Variants in SMURF2 observed in about 807,000 individuals in gnomAD.
The protein encoded by SMURF2 is E3 ubiquitin-protein ligase SMURF2.
In SMURF2, 48 loss-of-function variants were observed where a neutral mutation model predicts 109.6. The observed-to-expected ratio is 0.44, with a 90% CI of 0.35 to 0.56. The LOEUF is 0.56. Among genes scored for constraint, SMURF2 ranks in the 20% least tolerant of loss-of-function variants. SMURF2 has a pLI of 0.01. For missense variants in SMURF2, 575 were observed against 909.0 expected (o/e 0.63, Z 4.72); for synonymous variants, 288 against 317.1 (o/e 0.91, Z 0.97).
chr17:64,621,842 A>G (rs1489971301), intron 1 of SMURF2, among the ~76,000 whole-genome samples: 1 of 150,618 alleles, frequency 6.6e-6, no homozygotes, highest in Non-Finnish European at 1.5e-5. Context: ...CCACGCCACT[A>G]CACTCAGCCT....
rs1477749782 is a variant in SMURF2, at chr17:64,544,935, T to C, written c.*913A>G. On this transcript the variant is annotated 3_prime_UTR_variant, in exon 19 of 19. Coordinates refer to ENST00000262435, the MANE Select transcript of SMURF2 (RefSeq NM_022739.4). ...ATAGGAATAGTCCATATATTAAAGATAAGCTGACCCAGCAAAATAACGAAA... is the reference window on the plus strand; with the variant it reads ...ATAGGAATAGTCCATATATTAAAGACAAGCTGACCCAGCAAAATAACGAAA... The C allele has an allele frequency of 6.6e-6, 1 of 152,608 alleles. No homozygotes were observed. The highest frequency in any genetic ancestry group is 1.5e-5 in the Non-Finnish European group (1 of 68,024). 9.5% of individuals were successfully genotyped at this position (152,608 alleles called of 1,614,324 possible). A position where few individuals can be genotyped will look rare whatever the true frequency, so the allele number is the denominator to read the frequency against.
In SMURF2 at chr17:64,637,923, C is replaced by CAAAAAAAAAAAAAAAAAAAAAAAAAAAA. The variant is rs59701513; in HGVS notation, c.52+23905_52+23906insTTTTTTTTTTTTTTTTTTTTTTTTTTTT. Among the ~76,000 whole-genome samples the CAAAAAAAAAAAAAAAAAAAAAAAAAAAA allele has an allele frequency of 2.5e-3, 181 of 72,532 alleles. 11 individuals are homozygous for CAAAAAAAAAAAAAAAAAAAAAAAAAAAA. The highest frequency in any genetic ancestry group is 3.5e-3 in the Non-Finnish European group (108 of 30,614). 47.6% of individuals were successfully genotyped at this position (72,532 alleles called of 152,430 possible). A position where few individuals can be genotyped will look rare whatever the true frequency, so the allele number is the denominator to read the frequency against. ...CATTGAATGGTTTTGGCGCCCTAGT[C>CAAAAAAAAAAAAAAAAAAAAAAAAAAAA]AAAAAAAAAAAAAAAAAAAATCAAC... On this transcript the variant is annotated intron_variant, in intron 1 of 18. Coordinates refer to ENST00000262435, the MANE Select transcript of SMURF2 (RefSeq NM_022739.4).
chr17:64,629,489 G>A (rs1364688278), intron 1 of SMURF2, among the ~76,000 whole-genome samples: 1 of 152,204 alleles, frequency 6.6e-6, no homozygotes, highest in East Asian at 1.9e-4. Context: ...GGACAACAGA[G>A]AGAGACCCTG....
At chr17:64,563,482 T>C (rs1969255391) in intron 10 of SMURF2, among the ~76,000 whole-genome samples, 1 of 152,208 alleles carries the variant, frequency 6.6e-6, no homozygotes, top group African/African-American at 2.4e-5. Flanking sequence ...ACAAATACTA[T>C]AATAAAGATG....
chr17:64,610,432 A>G (rs1163745279), intron 1 of SMURF2, among the ~76,000 whole-genome samples: 4 of 152,222 alleles, frequency 2.6e-5, no homozygotes, highest in Non-Finnish European at 2.9e-5. Context: ...CAGCCATAAA[A>G]AAGGATGAGT....
chr17:64,574,026 G>A (rs1969454118), intron 9 of SMURF2, among the ~76,000 whole-genome samples: 1 of 152,016 alleles, frequency 6.6e-6, no homozygotes, highest in Non-Finnish European at 1.5e-5. Flanking sequence ...TAACGAATGG[G>A]TACTAGGCTT....
At chr17:64,561,415 C>T (rs1969215887) in intron 12 of SMURF2, 85 bp downstream of exon 12, 13 of 838,930 alleles carry the variant, frequency 1.5e-5, no homozygotes, top group Middle Eastern at 2.3e-4. Flanking sequence ...AAATAAATGT[C>T]GATGAGAAAG....
intron 1 of SMURF2, among the ~76,000 whole-genome samples, chr17:64,649,861 A>T (rs1411228168): frequency 6.6e-6 from 1 of 152,116 alleles, no homozygotes; most frequent in Non-Finnish European, 1.5e-5. Flanking sequence ...AAATATTGAA[A>T]ATATTTGATT....
chr17:64,567,655 G>A (rs1969333021), intron 10 of SMURF2, among the ~76,000 whole-genome samples: 1 of 152,048 alleles, frequency 6.6e-6, no homozygotes, highest in African/African-American at 2.4e-5. Context: ...ACTAACAATA[G>A]CTAATGAGCT....
chr17:64,617,172 G>A (rs1019949890), intron 1 of SMURF2, among the ~76,000 whole-genome samples: 2 of 151,262 alleles, frequency 1.3e-5, no homozygotes, highest in Non-Finnish European at 2.9e-5. Context: ...ACAGAAGGGT[G>A]CTCTGCAAAA....
chr17:64,581,835 C>T lies in SMURF2; in HGVS notation c.570-844G>A, dbSNP rs1969581865. On this transcript the variant is annotated intron_variant, in intron 7 of 18. Coordinates refer to ENST00000262435, the MANE Select transcript of SMURF2 (RefSeq NM_022739.4). This position sits in a 1 kb window ranked among gnomAD's most constrained non-coding sequence, Gnocchi z 4.3. ...GGGCGGGCGCCTGTAGTCCCAGCTA[C>T]TCGGGAGGCTGAGGTACGAGAATTG... 6.6e-6 allele frequency among the ~76,000 whole-genome samples: 1 copy of T among 151,998 alleles called. No individual in the cohort carries two copies. Among genetic ancestry groups the T allele is most frequent in the Admixed American group, 6.6e-5 (1 of 15,262 alleles).
intron 6 of SMURF2, 46 bp from the exon 7 acceptor site, chr17:64,583,590 ACACAGTG>A: frequency 7.0e-6 from 10 of 1,419,074 alleles, no homozygotes; most frequent in Non-Finnish European, 1.0e-5. Context: ...GGAAACTTGG[ACACAGTG>A]CAACAAGCAA....
At position 64,580,963 on chromosome 17, in the gene SMURF2, T is replaced by C. The variant is rs376126046; in HGVS notation, c.598A>G (p.Arg200Gly). ...RPASEYSSPG[R>G]PLSCFVDENT... The stretch of plus-strand genomic sequence containing the variant: ...TCATCAACAAAGCAGCTAAGAGGTC[T>C]GCCAGGGCTAGAATATTCGGATGCC... The change falls in exon 8 of 19, where the codon AGA (arginine) becomes GGA (glycine). Residue 200 changes from arginine to glycine, a missense_variant. Arg to Gly is a moderately radical substitution (Grantham distance 125). This residue lies in a region of SMURF2 where 151 missense variants were observed against 178.4 expected (regional missense o/e 0.85). Coordinates refer to ENST00000262435, the MANE Select transcript of SMURF2 (RefSeq NM_022739.4). 5.0e-6 allele frequency: 8 copies of C among 1,614,046 alleles called. No homozygotes were observed. The African/African-American group carries it at 9.3e-5, about 19-fold the overall frequency.
intron 1 of SMURF2, 87 bp downstream of exon 1, chr17:64,661,742 G>A (rs1240910462): frequency 7.0e-6 from 7 of 992,960 alleles, no homozygotes; most frequent in Non-Finnish European, 8.9e-6. Context: ...CATTGATCGC[G>A]ACCCTGGCCC....
chr17:64,622,698 GT>G (rs1262784922), intron 1 of SMURF2, among the ~76,000 whole-genome samples: 2 of 152,136 alleles, frequency 1.3e-5, no homozygotes, highest in Non-Finnish European at 2.9e-5. Context: ...ATTTATCACT[GT>G]TGATATTAAC....
chr17:64,556,090 G>T, intron 13 of SMURF2, 92 bp from the exon 14 acceptor site: 1 of 970,324 alleles, frequency 1.0e-6, no homozygotes, highest in Non-Finnish European at 1.5e-6. Context: ...ATCTTTTTGA[G>T]AATAAGCATA....
intron 1 of SMURF2, among the ~76,000 whole-genome samples, chr17:64,620,265 C>A (rs1428358577): frequency 6.6e-6 from 1 of 152,172 alleles, no homozygotes; most frequent in Non-Finnish European, 1.5e-5. Flanking sequence ...AAAACTTCTA[C>A]ATAGATTGTT....
At chr17:64,633,671 G>A (rs950234843) in intron 1 of SMURF2, among the ~76,000 whole-genome samples, 2 of 152,070 alleles carry the variant, frequency 1.3e-5, no homozygotes, top group African/African-American at 4.8e-5. Context: ...AGGCATTAGA[G>A]AATCAGTAAT....
intron 4 of SMURF2, among the ~76,000 whole-genome samples, chr17:64,591,836 T>A (rs1283519886): frequency 6.6e-6 from 1 of 152,238 alleles, no homozygotes; most frequent in Non-Finnish European, 1.5e-5. Context: ...GGAGACCATA[T>A]CTTAGTCTTT....
Sources: gnomAD v4.1 joint callset for allele counts (sites outside exome capture counted in the v4.1 genomes callset) on GRCh38, gnomAD v4.1.1 for gene constraint, gnomAD v4.1.1 regional missense constraint, Gnocchi (gnomAD v3.1) non-coding constraint, MANE v1.5 for transcripts, NCBI Gene and HGNC (gene_info 2026-07-23, HGNC 2026-07-21) for gene names.